Variants in DRC8 observed in about 807,000 individuals in gnomAD.
DRC8 encodes dynein regulatory complex subunit 8, also known as dynein regulatory complex protein 8.
chr1:245,069,430 G>C, the DRC8 span, among the ~76,000 whole-genome samples: 7 of 152,116 alleles, frequency 4.6e-5, no homozygotes, highest in African/African-American at 1.7e-4. Context: ...AGGAGAGGAG[G>C]GGTTTGGTCT....
At chr1:245,006,600 A>G in the DRC8 span, among the ~76,000 whole-genome samples, 1 of 152,126 alleles carries the variant, frequency 6.6e-6, no homozygotes, top group South Asian at 2.1e-4. Context: ...GTAAGCAATG[A>G]CAATGGAAAT....
At chr1:244,990,534 A>G in the DRC8 span, among the ~76,000 whole-genome samples, 1 of 152,156 alleles carries the variant, frequency 6.6e-6, no homozygotes, top group Non-Finnish European at 1.5e-5. Flanking sequence ...ACTTTGGGTT[A>G]TGAGCCAGTA....
chr1:245,119,781 G>A, the DRC8 span, among the ~76,000 whole-genome samples: 3 of 151,472 alleles, frequency 2.0e-5, no homozygotes, highest in East Asian at 2.0e-4. Context: ...AAAATAGAAC[G>A]AATTAGCCAC....
chr1:245,041,009 C>T, the DRC8 span, among the ~76,000 whole-genome samples: 1 of 152,066 alleles, frequency 6.6e-6, no homozygotes, highest in African/African-American at 2.4e-5. Context: ...ACAAAATGTG[C>T]TATAAAGAAA....
chr1:245,078,654 A>G, the DRC8 span, among the ~76,000 whole-genome samples: 1 of 152,168 alleles, frequency 6.6e-6, no homozygotes, highest in Non-Finnish European at 1.5e-5. Context: ...GTAGATGGGT[A>G]GTTAACCGGG....
chr1:245,023,648 C>CCTAAT, the DRC8 span, among the ~76,000 whole-genome samples: 1 of 152,124 alleles, frequency 6.6e-6, no homozygotes, highest in Non-Finnish European at 1.5e-5. Flanking sequence ...TTTGCATTTT[C>CCTAAT]CTAATGATTA....
At chr1:245,084,743 A>G in the DRC8 span, among the ~76,000 whole-genome samples, 3 of 152,200 alleles carry the variant, frequency 2.0e-5, no homozygotes. Context: ...CACTTGAGGC[A>G]GAATGAAAAG....
the DRC8 span, among the ~76,000 whole-genome samples, chr1:245,082,742 T>C: frequency 6.6e-6 from 1 of 152,116 alleles, no homozygotes; most frequent in Admixed American, 6.5e-5. Context: ...TTCGCTTTTG[T>C]CACCCAGGCT....
chr1:245,109,955 C>T, the DRC8 span, among the ~76,000 whole-genome samples: 1 of 152,198 alleles, frequency 6.6e-6, no homozygotes, highest in Admixed American at 6.5e-5. Context: ...CTTTATTAAG[C>T]GTGTGTTATC....
the DRC8 span, among the ~76,000 whole-genome samples, chr1:245,024,599 G>T: frequency 1.3e-5 from 2 of 149,770 alleles, no homozygotes; most frequent in South Asian, 4.2e-4. Context: ...CCAGGCTGGA[G>T]TGCAGTGGCA....
At chr1:245,043,950 T>C in the DRC8 span, 1 of 152,252 alleles carries the variant, frequency 6.6e-6, no homozygotes, top group African/African-American at 2.4e-5. Context: ...GCAGCACTTA[T>C]CTAAGATCAG....
chr1:245,093,679 G>A, the DRC8 span, among the ~76,000 whole-genome samples: 1 of 141,942 alleles, frequency 7.0e-6, no homozygotes, highest in East Asian at 2.0e-4. Context: ...CTGGGCGACA[G>A]AGCAAGACTC....
At chr1:245,066,429 A>G in the DRC8 span, among the ~76,000 whole-genome samples, 1 of 152,248 alleles carries the variant, frequency 6.6e-6, no homozygotes, top group Non-Finnish European at 1.5e-5. Context: ...GATGTAATAC[A>G]TTGGAGTGAA....
At chr1:245,014,726 C>T in the DRC8 span, among the ~76,000 whole-genome samples, 2 of 152,126 alleles carry the variant, frequency 1.3e-5, no homozygotes, top group African/African-American at 4.8e-5. Context: ...GAGTTCAGTC[C>T]AGCTCTGCCA....
At chr1:244,970,492 C>T in the DRC8 span, 1 of 1,520,722 alleles carries the variant, frequency 6.6e-7, no homozygotes, top group Non-Finnish European at 8.8e-7. Flanking sequence ...CCGCCGCGAC[C>T]CCGGGCTGCA....
chr1:244,973,912 G>A, the DRC8 span, among the ~76,000 whole-genome samples: 10 of 152,210 alleles, frequency 6.6e-5, no homozygotes, highest in East Asian at 7.7e-4. Flanking sequence ...GATTATGTAC[G>A]TTGAAGTTGT....
chr1:245,104,807 G>A, the DRC8 span, among the ~76,000 whole-genome samples: 1 of 152,196 alleles, frequency 6.6e-6, no homozygotes, highest in Non-Finnish European at 1.5e-5. Flanking sequence ...ATTCTGTAAT[G>A]TCCGATATGC....
chr1:245,048,246 A>G, the DRC8 span, among the ~76,000 whole-genome samples: 17 of 152,200 alleles, frequency 1.1e-4, no homozygotes, highest in Non-Finnish European at 2.2e-4. Flanking sequence ...CCTCATCTCA[A>G]CTTTTACTTC....
At chr1:244,999,187 C>T in the DRC8 span, among the ~76,000 whole-genome samples, 1 of 150,140 alleles carries the variant, frequency 6.7e-6, no homozygotes, top group South Asian at 2.1e-4. Context: ...TAGCCCACTA[C>T]TGGCTTGGGA....
Sources: gnomAD v4.1 joint callset for allele counts (sites outside exome capture counted in the v4.1 genomes callset) on GRCh38, gnomAD v4.1.1 for gene constraint, MANE v1.5 for transcripts, NCBI Gene and HGNC (gene_info 2026-07-23, HGNC 2026-07-21) for gene names.